CPNE5: variants seen among roughly 807,000 people sequenced by gnomAD.
The protein encoded by CPNE5 is copine 5, also known as copine-5.
CPNE5 carries 42 observed loss-of-function variants against 81.1 expected under a neutral mutation model. The observed-to-expected ratio is 0.52, with a 90% confidence interval of 0.40 to 0.67. The LOEUF (loss-of-function observed/expected upper bound fraction) is 0.67, where lower values mean the gene tolerates loss of function less well. CPNE5 is among the 30% of genes least tolerant of loss of function. The probability of loss-of-function intolerance (pLI) is 0.00; values close to 1 mark genes in which losing one functional copy is unlikely to be tolerated. For synonymous variants in CPNE5, 313 were observed against 321.5 expected, an observed-to-expected ratio of 0.97 and a Z score of 0.28; for missense variants, 612 against 815.5, an observed-to-expected ratio of 0.75 and a Z score of 3.04.
chr6:36,798,344 G>T, intron 5 of CPNE5, 103 bp from the exon 6 acceptor site: 1 of 1,502,870 alleles, frequency 6.7e-7, no homozygotes, highest in Non-Finnish European at 9.3e-7. Flanking sequence ...GCCCTTAAAT[G>T]ACAGGACGCA....
intron 3 of CPNE5, among the ~76,000 whole-genome samples, chr6:36,813,603 C>T (rs1332875464): frequency 5.9e-5 from 9 of 152,214 alleles, no homozygotes; most frequent in Non-Finnish European, 1.2e-4. Flanking sequence ...TTTATATGGC[C>T]TCTGAAGCCC....
chr6:36,773,486 G>A lies in CPNE5; in HGVS notation c.737+1475C>T, dbSNP rs777123307. ...CTGGCATGTAAACACCACTAGGTTG[G>A]GTGAAGGGTGAAGACTGCACCCTGC... On this transcript the variant is annotated intron_variant, in intron 10 of 20. Coordinates refer to ENST00000244751, the MANE Select transcript of CPNE5 (RefSeq NM_020939.2). 1.0e-3 allele frequency among the ~76,000 whole-genome samples: 157 copies of A among 152,192 alleles called. 5 individuals carry two copies. Among genetic ancestry groups the A allele is most frequent in the Non-Finnish European group, 3.1e-4 (21 of 68,026 alleles).
chr6:36,802,456 T>C (rs1020914786), intron 3 of CPNE5, among the ~76,000 whole-genome samples: 1 of 152,066 alleles, frequency 6.6e-6, no homozygotes, highest in African/African-American at 2.4e-5. Flanking sequence ...ACTCTGTCTC[T>C]AAAAACAAAA....
rs1195738553 is a variant in CPNE5, at chr6:36,798,422, T to C, written c.327+33A>G. 6 of 1,608,138 alleles carry C rather than the reference T, an allele frequency of 3.7e-6. No homozygotes were observed. In the East Asian group the frequency reaches 8.9e-5, roughly 24 times the overall value. On this transcript the variant is annotated intron_variant, in intron 5 of 20. Coordinates refer to ENST00000244751, the MANE Select transcript of CPNE5 (RefSeq NM_020939.2). ...CCAGAGGATGGCATTTCAGAAACTA[T>C]GGAATTGCTGAGCAGTTACTGGCAG...
chr6:36,748,794 G>A (rs532026118), intron 14 of CPNE5, among the ~76,000 whole-genome samples: 47 of 152,196 alleles, frequency 3.1e-4, no homozygotes, highest in Non-Finnish European at 5.0e-4. Flanking sequence ...GAAATACAAG[G>A]GACAGAGGAA....
At chr6:36,809,411 A>T (rs912270678) in intron 3 of CPNE5, among the ~76,000 whole-genome samples, 15 of 152,108 alleles carry the variant, frequency 9.9e-5, no homozygotes, top group African/African-American at 3.6e-4. Context: ...TCCCATCTCC[A>T]CAAAAAATAA....
At chr6:36,804,148 C>A (rs1561803417) in intron 3 of CPNE5, among the ~76,000 whole-genome samples, 1 of 152,216 alleles carries the variant, frequency 6.6e-6, no homozygotes, top group Non-Finnish European at 1.5e-5. Context: ...CAAGGCAGAG[C>A]TGGGACCTAA....
At chr6:36,811,018 A>C (rs973453545) in intron 3 of CPNE5, among the ~76,000 whole-genome samples, 1 of 152,224 alleles carries the variant, frequency 6.6e-6, no homozygotes, top group African/African-American at 2.4e-5. Flanking sequence ...ACTTCCTGCC[A>C]AAAAGCTTAG....
intron 1 of CPNE5, chr6:36,827,499 TC>T: frequency 1.0e-6 from 1 of 985,338 alleles, no homozygotes; most frequent in Non-Finnish European, 1.2e-6. Flanking sequence ...CCGCCAGAGA[TC>T]CCCCTATTAT....
At chr6:36,744,233 G>A (rs1407021462) in intron 19 of CPNE5, 35 bp downstream of exon 19, 2 of 1,544,932 alleles carry the variant, frequency 1.3e-6, no homozygotes, top group Non-Finnish European at 1.8e-6. Context: ...CGTGGCTAGG[G>A]AAGGAAAGGA....
chr6:36,779,676 C>G (rs1399602620), intron 8 of CPNE5, among the ~76,000 whole-genome samples: 1 of 152,220 alleles, frequency 6.6e-6, no homozygotes, highest in African/African-American at 2.4e-5. Flanking sequence ...AGCCCACCTG[C>G]TGAGTCCCCA....
rs114901943 is a variant in CPNE5 at position 36,816,742 on chromosome 6, G to A, written c.183+5372C>T. On this transcript the variant is annotated intron_variant, in intron 3 of 20. Transcript: ENST00000244751. ...TCCTCTGTGGGTCGCACAGAGAATC[G>A]AGCAAGGAATTACAGCCCCTCTCCC... Among the ~76,000 whole-genome samples, 681 of 152,216 alleles carry A rather than the reference G, an allele frequency of 4.5e-3. 9 individuals carry two copies. The highest frequency in any genetic ancestry group is 0.016 in the African/African-American group (661 of 41,524).
intron 7 of CPNE5, 71 bp from the exon 8 acceptor site, chr6:36,792,167 T>A: frequency 6.8e-7 from 1 of 1,461,582 alleles, no homozygotes. Flanking sequence ...ACTCCCTCAA[T>A]CAGCCCCCTG....
chr6:36,819,804 G>A (rs73416263), intron 3 of CPNE5, among the ~76,000 whole-genome samples: 2,748 of 152,242 alleles, frequency 0.018, 96 homozygotes, highest in African/African-American at 0.063. Context: ...TCTGTCAGGA[G>A]TCCACCAGCC....
rs542945389 is a variant in CPNE5 at position 36,803,744 on chromosome 6, C to T, written c.184-3674G>A. Among the ~76,000 whole-genome samples, 15 of 152,300 alleles carry T rather than the reference C, an allele frequency of 9.8e-5. No homozygotes were observed. The East Asian group carries it at 1.2e-3, about 12-fold the overall frequency. On this transcript the variant is annotated intron_variant, in intron 3 of 20. Coordinates refer to ENST00000244751, the MANE Select transcript of CPNE5 (RefSeq NM_020939.2). ...AGGCTTTGATAATAAATATTTGTCACGCTAATTTTAAACTTGTATGGCAGT... is the reference window on the plus strand; with the variant it reads ...AGGCTTTGATAATAAATATTTGTCATGCTAATTTTAAACTTGTATGGCAGT...
At chr6:36,818,608 A>G (rs930414747) in intron 3 of CPNE5, among the ~76,000 whole-genome samples, 5 of 152,172 alleles carry the variant, frequency 3.3e-5, no homozygotes, top group African/African-American at 4.8e-5. Flanking sequence ...CCGCAGGCCT[A>G]TAAGGTAGGA....
At chr6:36,765,489 C>T in intron 10 of CPNE5, 113 bp from the exon 11 acceptor site, 2 of 1,262,658 alleles carry the variant, frequency 1.6e-6, no homozygotes, top group South Asian at 1.3e-5. Flanking sequence ...TCCCTCTGGG[C>T]CCCAGGGCCC....
At chr6:36,830,040 T>C (rs958216586) in intron 1 of CPNE5, among the ~76,000 whole-genome samples, 2 of 152,090 alleles carry the variant, frequency 1.3e-5, no homozygotes, top group African/African-American at 4.8e-5. Context: ...ACTTAGCCTG[T>C]GACACTCTAT....
chr6:36,765,510 G>T, intron 10 of CPNE5, 134 bp from the exon 11 acceptor site: 1 of 979,984 alleles, frequency 1.0e-6, no homozygotes, highest in South Asian at 1.6e-5. Flanking sequence ...TGGGTGGGGA[G>T]GCAGCGGCTT....
Sources: gnomAD v4.1 joint callset for allele counts (sites outside exome capture counted in the v4.1 genomes callset) on GRCh38, gnomAD v4.1.1 for gene constraint, MANE v1.5 for transcripts, NCBI Gene and HGNC (gene_info 2026-07-23, HGNC 2026-07-21) for gene names.